The following MRTFA variants were observed in gnomAD, a reference collection of about 807,000 sequenced individuals.
MRTFA encodes myocardin-related transcription factor A.
MRTFA carries 20 observed loss-of-function variants against 83.5 expected under a neutral mutation model. The ratio of observed to expected loss-of-function variants is 0.24; its 90% CI spans 0.17 to 0.35. The LOEUF (loss-of-function observed/expected upper bound fraction) is 0.35. Among genes scored for constraint, MRTFA ranks in the 10% least tolerant of loss-of-function variants. The pLI, the probability that MRTFA is intolerant of heterozygous loss-of-function variation, is 1.00. For synonymous variants in MRTFA, 659 were observed against 541.2 expected, an observed-to-expected ratio of 1.22 and a Z score of -3.02; for missense variants, 1,200 against 1,224.7, an observed-to-expected ratio of 0.98 and a Z score of 0.30.
intron 3 of MRTFA, among the ~76,000 whole-genome samples, chr22:40,499,556 A>G (rs906675302): frequency 6.6e-6 from 1 of 152,230 alleles, no homozygotes; most frequent in Non-Finnish European, 1.5e-5. Context: ...TCAAGCCAGA[A>G]GAAAACTTTT....
At chr22:40,430,055 C>G (rs943306721) in intron 6 of MRTFA, among the ~76,000 whole-genome samples, 8 of 152,152 alleles carry the variant, frequency 5.3e-5, no homozygotes, top group Non-Finnish European at 8.8e-5. Context: ...CAACAGATGA[C>G]AGAATGGTCT....
At chr22:40,459,780 TATACACACAC>T (rs887080964) in intron 4 of MRTFA, among the ~76,000 whole-genome samples, 3 of 80,824 alleles carry the variant, frequency 3.7e-5, no homozygotes, top group African/African-American at 1.4e-4. Context: ...ACTGATAAAA[TATACACACAC>T]ACACACACAC....
At position 40,547,981 on chromosome 22, in the gene MRTFA, G is replaced by T. The variant is rs556395099; in HGVS notation, c.241+4125C>A. The stretch of plus-strand genomic sequence containing the variant: ...AGAGTTTTGAGAGTAGCGTAGCAGT[G>T]TCTGATTTCAGTTTTCAAAGGCTCA... On this transcript the variant is annotated intron_variant, in intron 3 of 14. Coordinates refer to ENST00000355630, the MANE Select transcript of MRTFA (RefSeq NM_020831.6). 2.6e-5 allele frequency among the ~76,000 whole-genome samples: 4 copies of T among 152,206 alleles called. No individual in the cohort carries two copies. The East Asian group carries it at 7.7e-4, about 29-fold the overall frequency.
At chr22:40,432,160 C>T (rs1453013690) in intron 5 of MRTFA, among the ~76,000 whole-genome samples, 1 of 152,130 alleles carries the variant, frequency 6.6e-6, no homozygotes, top group Non-Finnish European at 1.5e-5. Context: ...GCAGGAGAAT[C>T]ACTTGAACTC....
rs541072636 is a variant in MRTFA, at chr22:40,503,383, T to G, written c.242-40097A>C. 5.9e-5 allele frequency among the ~76,000 whole-genome samples: 9 copies of G among 152,328 alleles called. No homozygotes were observed. In the South Asian group the frequency reaches 1.9e-3, roughly 32 times the overall value. ...TGCCACTATGCGCAGCTAACTTTTG[T>G]ACTTTTAGTAGAGACAAAGGTTTTG... On this transcript the variant is annotated intron_variant, in intron 3 of 14. Coordinates refer to ENST00000355630, the MANE Select transcript of MRTFA (RefSeq NM_020831.6).
intron 3 of MRTFA, among the ~76,000 whole-genome samples, chr22:40,482,467 C>G (rs2147187078): frequency 6.6e-6 from 1 of 152,266 alleles, no homozygotes; most frequent in South Asian, 2.1e-4. Flanking sequence ...TCATCAGTCT[C>G]TTTCCTGAGG....
In MRTFA at chr22:40,491,656, G is replaced by A. The variant is rs184402345; in HGVS notation, c.242-28370C>T. Among the ~76,000 whole-genome samples, 690 of 152,232 alleles carry A rather than the reference G, an allele frequency of 4.5e-3. 8 individuals carry two copies. The highest frequency in any genetic ancestry group is 0.015 in the African/African-American group (642 of 41,536). ...ACATTGAATCTGACCCACATAAAGA[G>A]TAATTCCGCCTTATTAAAGAAAAGT... On this transcript the variant is annotated intron_variant, in intron 3 of 14. Transcript: ENST00000355630.
At position 40,417,065 on chromosome 22, in the gene MRTFA, A is replaced by C. The variant is rs2147062483; in HGVS notation, c.2518-19T>G. The C allele has an allele frequency of 1.7e-5, 27 of 1,568,990 alleles. No homozygotes were observed. Among genetic ancestry groups the C allele is most frequent in the Non-Finnish European group, 2.3e-5 (27 of 1,156,986 alleles). Reference sequence around the variant, plus strand: ...CATTTTCCTGTGGGACAAAGGAAAAAAAAAAAAGAGATAAAAATCTTGAAT... The same window carrying C: ...CATTTTCCTGTGGGACAAAGGAAAACAAAAAAAGAGATAAAAATCTTGAAT... On this transcript the variant is annotated intron_variant, in intron 13 of 14. Coordinates refer to ENST00000355630, the MANE Select transcript of MRTFA (RefSeq NM_020831.6).
intron 2 of MRTFA, among the ~76,000 whole-genome samples, chr22:40,574,440 A>ATTATTTTTT (rs764460675): frequency 6.8e-6 from 1 of 147,730 alleles, no homozygotes; most frequent in Non-Finnish European, 1.5e-5. Flanking sequence ...TATTATTATT[A>ATTATTTTTT]TTTTTTTTTT....
chr22:40,533,326 G>T (rs1287706227), intron 3 of MRTFA, among the ~76,000 whole-genome samples: 1 of 152,104 alleles, frequency 6.6e-6, no homozygotes, highest in Non-Finnish European at 1.5e-5. Context: ...GATTAAAGAA[G>T]ACAAAGAGTT....
In MRTFA at chr22:40,442,653, T is replaced by C. The variant is rs553713444; in HGVS notation, c.308-7099A>G. ...AGTCCTCAAAAAGATGATGGTCTAGTGGGGAAAAGAGACAAATATAAGATG... is the reference window on the plus strand; with the variant it reads ...AGTCCTCAAAAAGATGATGGTCTAGCGGGGAAAAGAGACAAATATAAGATG... On this transcript the variant is annotated intron_variant, in intron 4 of 14. Transcript: ENST00000355630. 8.0e-5 allele frequency among the ~76,000 whole-genome samples: 12 copies of C among 150,884 alleles called. No homozygotes were observed. In the South Asian group the frequency reaches 2.5e-3, roughly 32 times the overall value.
chr22:40,498,675 A>G (rs2054404470), intron 3 of MRTFA, among the ~76,000 whole-genome samples: 2 of 152,124 alleles, frequency 1.3e-5, no homozygotes, highest in African/African-American at 4.8e-5. Context: ...ATGAACCATC[A>G]AAGCACCCAA....
At chr22:40,625,011 C>T (rs751596343) in intron 1 of MRTFA, among the ~76,000 whole-genome samples, 1 of 152,138 alleles carries the variant, frequency 6.6e-6, no homozygotes, top group Non-Finnish European at 1.5e-5. Flanking sequence ...TGAACCATAA[C>T]ATCCTATGAA....
intron 2 of MRTFA, among the ~76,000 whole-genome samples, chr22:40,560,380 CA>C (rs2055595858): frequency 2.0e-5 from 3 of 152,174 alleles, no homozygotes; most frequent in Non-Finnish European, 4.4e-5. Context: ...CAAGCACTGA[CA>C]AAAGACTAAT....
chr22:40,446,249 T>C (rs1207696796), intron 4 of MRTFA, among the ~76,000 whole-genome samples: 1 of 152,244 alleles, frequency 6.6e-6, no homozygotes, highest in South Asian at 2.1e-4. Context: ...CTGATGATCC[T>C]TGTCTGAACT....
chr22:40,562,346 C>A (rs937038043), intron 2 of MRTFA, among the ~76,000 whole-genome samples: 2 of 151,632 alleles, frequency 1.3e-5, no homozygotes, highest in African/African-American at 4.9e-5. Flanking sequence ...ACACCCCAGA[C>A]AAGCCTAGTC....
chr22:40,613,093 C>A (rs2056405569), intron 1 of MRTFA, among the ~76,000 whole-genome samples: 1 of 152,150 alleles, frequency 6.6e-6, no homozygotes, highest in Admixed American at 6.6e-5. Context: ...TAAATGAAAT[C>A]ATATAGTAAG....
At chr22:40,556,924 T>C (rs1164591801) in intron 2 of MRTFA, among the ~76,000 whole-genome samples, 1 of 152,134 alleles carries the variant, frequency 6.6e-6, no homozygotes, top group Non-Finnish European at 1.5e-5. Flanking sequence ...AAAAGGAAAA[T>C]AGAATGGTAT....
At chr22:40,429,395 G>T in intron 7 of MRTFA, 1 of 695,198 alleles carries the variant, frequency 1.4e-6, no homozygotes. Context: ...ATTGTTGTAT[G>T]TCCCTGTTTC....
Sources: gnomAD v4.1 joint callset for allele counts (sites outside exome capture counted in the v4.1 genomes callset) on GRCh38, gnomAD v4.1.1 for gene constraint, MANE v1.5 for transcripts, NCBI Gene and HGNC (gene_info 2026-07-23, HGNC 2026-07-21) for gene names.